The following ARHGAP15 variants were observed in gnomAD, a reference collection of about 807,000 sequenced individuals.
ARHGAP15 encodes the protein Rho GTPase activating protein 15.
ARHGAP15 carries 51 observed loss-of-function variants against 63.7 expected under a neutral mutation model. The observed-to-expected ratio is 0.80, with a 90% CI of 0.64 to 1.01. The LOEUF is 1.01. Ranked by LOEUF, ARHGAP15 falls within the 50% of genes least tolerant of loss-of-function variation. ARHGAP15 has a pLI of 0.00. For missense variants in ARHGAP15, 560 were observed against 564.6 expected, an observed-to-expected ratio of 0.99 and a Z score of 0.08; for synonymous variants, 191 against 193.8, an observed-to-expected ratio of 0.99 and a Z score of 0.12.
chr2:143,563,330 T>C (rs1273738418), intron 11 of ARHGAP15, among the ~76,000 whole-genome samples: 2 of 152,198 alleles, frequency 1.3e-5, no homozygotes, highest in Non-Finnish European at 2.9e-5. Flanking sequence ...TATAATCAAA[T>C]ATGGTTTTTG....
intron 10 of ARHGAP15, among the ~76,000 whole-genome samples, chr2:143,542,721 AATATCACATATATAAT>A (rs1559040349): frequency 8.1e-6 from 1 of 123,990 alleles, no homozygotes; most frequent in African/African-American, 3.0e-5. Context: ...TGATATATAT[AATATCACATATATAAT>A]ATATATATGA....
chr2:143,245,431 G>A (rs987915964), intron 5 of ARHGAP15, among the ~76,000 whole-genome samples: 10 of 152,136 alleles, frequency 6.6e-5, no homozygotes, highest in African/African-American at 2.4e-4. Flanking sequence ...TGACCTTAAT[G>A]GTTAAGACAT....
chr2:143,726,726 C>T (rs1685296618), intron 13 of ARHGAP15, among the ~76,000 whole-genome samples: 1 of 152,210 alleles, frequency 6.6e-6, no homozygotes, highest in Non-Finnish European at 1.5e-5. Flanking sequence ...TCACATGTAA[C>T]GTACTTCTGA....
chr2:143,190,234 C>T (rs890435049), intron 2 of ARHGAP15, among the ~76,000 whole-genome samples: 5 of 152,170 alleles, frequency 3.3e-5, no homozygotes, highest in African/African-American at 1.2e-4. Flanking sequence ...TTAAAAGAGG[C>T]ATTTAAAATG....
At chr2:143,247,795 T>G (rs1016787493) in intron 5 of ARHGAP15, among the ~76,000 whole-genome samples, 1 of 152,156 alleles carries the variant, frequency 6.6e-6, no homozygotes, top group Non-Finnish European at 1.5e-5. Context: ...AATCCAAATA[T>G]GAGTCCTTTG....
intron 8 of ARHGAP15, among the ~76,000 whole-genome samples, chr2:143,480,982 G>C (rs1692052720): frequency 6.6e-6 from 1 of 152,134 alleles, no homozygotes; most frequent in Non-Finnish European, 1.5e-5. Context: ...TCCAATACAA[G>C]AAGTTTGTGT....
chr2:143,136,059 C>G (rs77724346), intron 1 of ARHGAP15, among the ~76,000 whole-genome samples: 2,190 of 152,188 alleles, frequency 0.014, 56 homozygotes, highest in African/African-American at 0.05. Context: ...ACCTGTCCCC[C>G]AACCCAGCCT....
chr2:143,352,025 T>A (rs1685596170), intron 6 of ARHGAP15, among the ~76,000 whole-genome samples: 1 of 152,174 alleles, frequency 6.6e-6, no homozygotes, highest in South Asian at 2.1e-4. Flanking sequence ...ACATCATTCA[T>A]CAAGAATTAA....
At chr2:143,135,616 G>A (rs546946311) in intron 1 of ARHGAP15, among the ~76,000 whole-genome samples, 3 of 152,212 alleles carry the variant, frequency 2.0e-5, no homozygotes, top group Admixed American at 6.5e-5. Context: ...AAATCTAATA[G>A]CCATTTATGT....
chr2:143,217,248 T>C (rs1470943390), intron 4 of ARHGAP15, among the ~76,000 whole-genome samples: 1 of 152,200 alleles, frequency 6.6e-6, no homozygotes, highest in Non-Finnish European at 1.5e-5. Flanking sequence ...AATTCATTAC[T>C]AGAATGACAC....
intron 12 of ARHGAP15, among the ~76,000 whole-genome samples, chr2:143,685,017 G>A (rs571691326): frequency 6.6e-6 from 1 of 152,170 alleles, no homozygotes; most frequent in South Asian, 2.1e-4. Context: ...ATTTGTCACA[G>A]CCAAATAAAA....
At chr2:143,468,930 G>A (rs1691382466) in intron 8 of ARHGAP15, among the ~76,000 whole-genome samples, 1 of 152,124 alleles carries the variant, frequency 6.6e-6, no homozygotes, top group Admixed American at 6.6e-5. Flanking sequence ...TCTCTGCCCA[G>A]ACCAAAATCA....
intron 2 of ARHGAP15, among the ~76,000 whole-genome samples, chr2:143,164,327 G>A (rs2105029338): frequency 6.6e-6 from 1 of 151,996 alleles, no homozygotes; most frequent in East Asian, 1.9e-4. Flanking sequence ...AACATGTAAG[G>A]CAAATACATT....
chr2:143,216,250 A>C (rs923485582), intron 3 of ARHGAP15, 134 bp from the exon 4 acceptor site: 2 of 632,352 alleles, frequency 3.2e-6, no homozygotes, highest in Non-Finnish European at 2.8e-6. Flanking sequence ...CCCATAAGCT[A>C]TATATGCATT....
chr2:143,396,364 A>G (rs1687756466), intron 6 of ARHGAP15, among the ~76,000 whole-genome samples: 1 of 152,108 alleles, frequency 6.6e-6, no homozygotes, highest in African/African-American at 2.4e-5. Flanking sequence ...TCTCTGTGCC[A>G]TAACTACATT....
chr2:143,257,246 T>TTTGAACTATCAAAGC (rs1351452265), intron 6 of ARHGAP15, among the ~76,000 whole-genome samples: 1 of 152,120 alleles, frequency 6.6e-6, no homozygotes. Context: ...ATTCATTCTT[T>TTTGAACTATCAAAGC]TTGAACTATC....
chr2:143,687,530 C>T (rs541822436), intron 12 of ARHGAP15, among the ~76,000 whole-genome samples: 1 of 152,280 alleles, frequency 6.6e-6, no homozygotes, highest in African/African-American at 2.4e-5. Flanking sequence ...TCTGCAAGTG[C>T]CCCTACGCCC....
In ARHGAP15 at chr2:143,248,789, T is replaced by C. The variant is rs574647180; in HGVS notation, c.385-1722T>C. ...GACTTCTGTATAATTGCCCACAAAC[T>C]CTCTATGATACAGAGGTTATACACT... On this transcript the variant is annotated intron_variant, in intron 5 of 13. Coordinates refer to ENST00000295095, the MANE Select transcript of ARHGAP15 (RefSeq NM_018460.4). 1.2e-4 allele frequency among the ~76,000 whole-genome samples: 19 copies of C among 152,276 alleles called. No individual in the cohort carries two copies. The East Asian group carries it at 3.1e-3, about 25-fold the overall frequency.
chr2:143,592,567 G>T (rs1697361487), intron 11 of ARHGAP15, among the ~76,000 whole-genome samples: 2 of 152,128 alleles, frequency 1.3e-5, no homozygotes, highest in African/African-American at 2.4e-5. Context: ...CGTTGTGCAG[G>T]TATATTGAGG....
Sources: allele counts gnomAD v4.1 joint callset (sites outside exome capture counted in the v4.1 genomes callset), GRCh38; gene constraint gnomAD v4.1.1; transcripts MANE v1.5; gene names NCBI Gene and HGNC (gene_info 2026-07-23, HGNC 2026-07-21).